The following PSD3 variants were observed in gnomAD, a reference collection of about 807,000 sequenced individuals.
The protein encoded by PSD3 is pleckstrin and Sec7 domain containing 3.
PSD3 carries 49 observed loss-of-function variants against 105.5 expected under a neutral mutation model. The ratio of observed to expected loss-of-function variants is 0.46; its 90% CI spans 0.37 to 0.59. The LOEUF (loss-of-function observed/expected upper bound fraction) is 0.59, where lower values mean the gene tolerates loss of function less well. Among genes scored for constraint, PSD3 ranks in the 20% least tolerant of loss-of-function variants. The probability of loss-of-function intolerance (pLI) is 0.00; values close to 1 mark genes in which losing one functional copy is unlikely to be tolerated. For missense variants in PSD3, 1,561 were observed against 1,263.8 expected (o/e 1.24, Z -3.57); for synonymous variants, 557 against 457.8 (o/e 1.22, Z -2.77).
chr8:18,874,594 T>G (rs913524956), intron 2 of PSD3, among the ~76,000 whole-genome samples: 10 of 151,224 alleles, frequency 6.6e-5, no homozygotes, highest in African/African-American at 2.2e-4. Context: ...TCCCAGCTAC[T>G]TGGGAGGCTG....
chr8:19,055,187 A>T (rs1209117379), intron 1 of PSD3, among the ~76,000 whole-genome samples: 1 of 152,198 alleles, frequency 6.6e-6, no homozygotes. Context: ...TGCCTAGCTT[A>T]ATTTAGGATG....
At chr8:18,819,693 C>T (rs1321489464) in intron 4 of PSD3, among the ~76,000 whole-genome samples, 1 of 150,996 alleles carries the variant, frequency 6.6e-6, no homozygotes. Flanking sequence ...ATTCGCCCAC[C>T]TCAGCCTCCT....
At chr8:18,722,302 T>G (rs980870281) in intron 9 of PSD3, among the ~76,000 whole-genome samples, 2 of 152,150 alleles carry the variant, frequency 1.3e-5, no homozygotes, top group Admixed American at 6.5e-5. Flanking sequence ...GCAGCAGCAC[T>G]CACCCTTACC....
chr8:18,660,306 A>T (rs922214263), intron 9 of PSD3, among the ~76,000 whole-genome samples: 4 of 152,168 alleles, frequency 2.6e-5, no homozygotes, highest in Admixed American at 2.6e-4. Flanking sequence ...GAGGCGAGGA[A>T]GAGACTTTTC....
intron 11 of PSD3, among the ~76,000 whole-genome samples, chr8:18,601,828 C>T (rs922853785): frequency 1.3e-5 from 2 of 152,180 alleles, no homozygotes; most frequent in African/African-American, 2.4e-5. Flanking sequence ...CCAACATGAG[C>T]ACTGCGCACA....
At chr8:18,890,123 C>CT (rs968075697) in intron 2 of PSD3, among the ~76,000 whole-genome samples, 1 of 151,948 alleles carries the variant, frequency 6.6e-6, no homozygotes, top group Admixed American at 6.6e-5. Flanking sequence ...TTATTGTTAC[C>CT]TTTTTTTAAA....
At chr8:18,965,517 G>A (rs776388596) in intron 1 of PSD3, among the ~76,000 whole-genome samples, 15 of 152,168 alleles carry the variant, frequency 9.9e-5, no homozygotes, top group African/African-American at 3.4e-4. Flanking sequence ...ACCCATGCCC[G>A]GTTGCCACTG....
chr8:18,950,281 T>C (rs1306790536), intron 1 of PSD3, among the ~76,000 whole-genome samples: 1 of 152,224 alleles, frequency 6.6e-6, no homozygotes, highest in Non-Finnish European at 1.5e-5. Flanking sequence ...AAAGTGGTTA[T>C]TTTATTAGTT....
chr8:18,832,948 G>A (rs1176666856), intron 4 of PSD3, among the ~76,000 whole-genome samples: 2 of 152,036 alleles, frequency 1.3e-5, no homozygotes, highest in Non-Finnish European at 2.9e-5. Flanking sequence ...ATTTGGGTGG[G>A]GACACAGCCA....
chr8:18,621,323 G>A (rs988565084), intron 11 of PSD3, among the ~76,000 whole-genome samples: 1 of 152,150 alleles, frequency 6.6e-6, no homozygotes, highest in Non-Finnish European at 1.5e-5. Flanking sequence ...TAGGAGAATT[G>A]CTTGAACCAG....
chr8:18,824,376 G>A (rs1382797395), intron 4 of PSD3, among the ~76,000 whole-genome samples: 1 of 152,102 alleles, frequency 6.6e-6, no homozygotes, highest in Admixed American at 6.5e-5. Context: ...AAATTTGGAG[G>A]CTCAAGCCGA....
intron 1 of PSD3, among the ~76,000 whole-genome samples, chr8:18,980,510 T>C (rs897117495): frequency 6.6e-5 from 10 of 152,214 alleles, no homozygotes; most frequent in African/African-American, 2.4e-4. Flanking sequence ...TATCTTTTAA[T>C]TGGTACATTT....
chr8:18,852,316 C>T (rs544301564), intron 4 of PSD3, among the ~76,000 whole-genome samples: 36 of 152,274 alleles, frequency 2.4e-4, no homozygotes, highest in African/African-American at 8.4e-4. Context: ...CACAGCTGCA[C>T]AGCTACCAAC....
chr8:18,701,132 A>ATTTT (rs35402329), intron 9 of PSD3, among the ~76,000 whole-genome samples: 3 of 138,054 alleles, frequency 2.2e-5, no homozygotes, highest in African/African-American at 2.7e-5. Flanking sequence ...AGCCTGGCTG[A>ATTTT]TTTTTTTTTT....
chr8:18,853,671 G>C (rs974775128), intron 4 of PSD3, among the ~76,000 whole-genome samples: 5 of 152,174 alleles, frequency 3.3e-5, no homozygotes, highest in Non-Finnish European at 7.3e-5. Flanking sequence ...CTTCAGAGCA[G>C]TGATATACCA....
At chr8:18,707,135 G>A (rs186831807) in intron 9 of PSD3, among the ~76,000 whole-genome samples, 1 of 151,930 alleles carries the variant, frequency 6.6e-6, no homozygotes, top group Non-Finnish European at 1.5e-5. Flanking sequence ...TCACTCTCTC[G>A]TTGTGCTGAT....
chr8:18,688,815 C>T (rs1490551815), intron 9 of PSD3, among the ~76,000 whole-genome samples: 2 of 152,140 alleles, frequency 1.3e-5, no homozygotes, highest in Non-Finnish European at 2.9e-5. Flanking sequence ...TAGACATGAG[C>T]CAGCCTGTAC....
At chr8:19,012,986 G>A (rs909782055) in intron 1 of PSD3, among the ~76,000 whole-genome samples, 6 of 151,882 alleles carry the variant, frequency 4.0e-5, no homozygotes, top group African/African-American at 1.5e-4. Flanking sequence ...CTAAACCCAC[G>A]TCCTCTAATC....
chr8:18,781,846 T>C (rs1168622490), intron 8 of PSD3, among the ~76,000 whole-genome samples: 1 of 152,204 alleles, frequency 6.6e-6, no homozygotes, highest in Non-Finnish European at 1.5e-5. Flanking sequence ...TTCCACTATT[T>C]CGTCATTGTA....
Sources: gnomAD v4.1 joint callset for allele counts (sites outside exome capture counted in the v4.1 genomes callset) on GRCh38, gnomAD v4.1.1 for gene constraint, MANE v1.5 for transcripts, NCBI Gene and HGNC (gene_info 2026-07-23, HGNC 2026-07-21) for gene names.